Variants in MAPKAP1 observed in about 807,000 individuals in gnomAD.
MAPKAP1 encodes the protein target of rapamycin complex 2 subunit MAPKAP1.
MAPKAP1 carries 20 observed loss-of-function variants against 65.7 expected under a neutral mutation model. That is an observed-to-expected ratio of 0.30 (90% CI 0.21 to 0.44). The LOEUF (loss-of-function observed/expected upper bound fraction) is 0.44, where lower values mean the gene tolerates loss of function less well. Ranked by LOEUF, MAPKAP1 falls within the 20% of genes least tolerant of loss-of-function variation. The pLI, the probability that MAPKAP1 is intolerant of heterozygous loss-of-function variation, is 1.00. For missense variants in MAPKAP1, 423 were observed against 648.0 expected (o/e 0.65, Z 3.77); for synonymous variants, 222 against 244.3 (o/e 0.91, Z 0.85).
At chr9:125,659,258 T>C (rs958918587) in intron 3 of MAPKAP1, among the ~76,000 whole-genome samples, 2 of 152,150 alleles carry the variant, frequency 1.3e-5, no homozygotes, top group African/African-American at 2.4e-5. Context: ...GTCACAGTCT[T>C]CACAGATCCT....
chr9:125,495,778 A>G (rs10986776), intron 8 of MAPKAP1, among the ~76,000 whole-genome samples: 2,987 of 152,308 alleles, frequency 0.02, 160 homozygotes, highest in East Asian at 0.15. Context: ...AGGTCAGCAC[A>G]GCTTTTTGCC....
intron 7 of MAPKAP1, among the ~76,000 whole-genome samples, chr9:125,529,016 A>G (rs925632258): frequency 3.3e-5 from 5 of 150,998 alleles, no homozygotes. Context: ...ACAACTAAAA[A>G]TACAAAAATT....
intron 9 of MAPKAP1, chr9:125,478,171 G>A (rs1406209612): frequency 6.6e-6 from 1 of 152,132 alleles, no homozygotes; most frequent in Non-Finnish European, 1.5e-5. Flanking sequence ...CGCAGTGGCT[G>A]ATAAACAACA....
chr9:125,481,174 C>T (rs1000856628), intron 9 of MAPKAP1, among the ~76,000 whole-genome samples: 3 of 152,122 alleles, frequency 2.0e-5, no homozygotes, highest in Admixed American at 1.3e-4. Context: ...GACTGCAGAG[C>T]TTGGGCTCCT....
chr9:125,597,300 C>CTGG (rs1832166283), intron 4 of MAPKAP1, among the ~76,000 whole-genome samples: 2 of 141,986 alleles, frequency 1.4e-5, no homozygotes, highest in Non-Finnish European at 3.0e-5. Flanking sequence ...AAAGCTTGGC[C>CTGG]TGGTGGCACA....
intron 4 of MAPKAP1, among the ~76,000 whole-genome samples, chr9:125,638,125 A>C (rs1833478467): frequency 6.6e-6 from 1 of 152,190 alleles, no homozygotes; most frequent in Non-Finnish European, 1.5e-5. Context: ...TTAAAATTGG[A>C]AAGTGTCTGA....
At chr9:125,594,520 A>C (rs993753796) in intron 4 of MAPKAP1, among the ~76,000 whole-genome samples, 3 of 152,184 alleles carry the variant, frequency 2.0e-5, no homozygotes, top group African/African-American at 7.2e-5. Context: ...GATGTATCTA[A>C]AATGCCTGCC....
chr9:125,576,508 G>C (rs566681666), intron 5 of MAPKAP1, among the ~76,000 whole-genome samples: 1 of 150,076 alleles, frequency 6.7e-6, no homozygotes, highest in Non-Finnish European at 1.5e-5. Context: ...CTCTCCCCAC[G>C]GTCTCCCTCT....
At chr9:125,514,805 G>A (rs968256640) in intron 7 of MAPKAP1, among the ~76,000 whole-genome samples, 3 of 152,172 alleles carry the variant, frequency 2.0e-5, no homozygotes, top group Non-Finnish European at 2.9e-5. Flanking sequence ...CCCATTCCAG[G>A]AGGATCGTGC....
At chr9:125,610,544 C>A (rs529921987) in intron 4 of MAPKAP1, among the ~76,000 whole-genome samples, 1 of 152,218 alleles carries the variant, frequency 6.6e-6, no homozygotes, top group Admixed American at 6.5e-5. Context: ...CTATCTATAA[C>A]CTATAATAAG....
intron 4 of MAPKAP1, among the ~76,000 whole-genome samples, chr9:125,650,132 C>G (rs555981278): frequency 9.8e-5 from 15 of 152,318 alleles, no homozygotes; most frequent in African/African-American, 3.1e-4. Context: ...TTCATTCACT[C>G]CATCTTCATT....
chr9:125,582,400 C>T (rs1169280679), intron 5 of MAPKAP1, among the ~76,000 whole-genome samples: 2 of 152,146 alleles, frequency 1.3e-5, no homozygotes, highest in African/African-American at 2.4e-5. Flanking sequence ...TAGCTATCCT[C>T]GTGTGCTTTG....
At chr9:125,521,229 T>C (rs928896487) in intron 7 of MAPKAP1, among the ~76,000 whole-genome samples, 1 of 152,226 alleles carries the variant, frequency 6.6e-6, no homozygotes, top group South Asian at 2.1e-4. Context: ...CCTGTCACTA[T>C]GCAGCCAGCA....
intron 9 of MAPKAP1, among the ~76,000 whole-genome samples, chr9:125,469,265 G>A (rs1261526391): frequency 6.6e-6 from 1 of 151,970 alleles, no homozygotes; most frequent in Non-Finnish European, 1.5e-5. Context: ...TTCATCCTAC[G>A]AATCACACTC....
chr9:125,629,831 C>A (rs145696371), intron 4 of MAPKAP1, among the ~76,000 whole-genome samples: 1 of 152,154 alleles, frequency 6.6e-6, no homozygotes, highest in Admixed American at 6.5e-5. Flanking sequence ...CTCCCAAACA[C>A]CTATACTAGT....
At chr9:125,591,221 T>C (rs1343228745) in intron 4 of MAPKAP1, among the ~76,000 whole-genome samples, 1 of 152,206 alleles carries the variant, frequency 6.6e-6, no homozygotes, top group Non-Finnish European at 1.5e-5. Context: ...AACGCCTTCT[T>C]TCCCTGGACT....
chr9:125,601,725 C>T (rs960985505), intron 4 of MAPKAP1, among the ~76,000 whole-genome samples: 5 of 152,180 alleles, frequency 3.3e-5, no homozygotes, highest in Non-Finnish European at 7.4e-5. Flanking sequence ...AAAAACATCA[C>T]ACAATAGGTT....
At chr9:125,493,713 C>T (rs1589234611) in intron 8 of MAPKAP1, among the ~76,000 whole-genome samples, 1 of 152,242 alleles carries the variant, frequency 6.6e-6, no homozygotes, top group Non-Finnish European at 1.5e-5. Context: ...GTGGCTAACA[C>T]ACACTAAGTG....
intron 10 of MAPKAP1, among the ~76,000 whole-genome samples, chr9:125,452,823 T>G (rs1564515776): frequency 6.6e-6 from 1 of 151,952 alleles, no homozygotes; most frequent in Non-Finnish European, 1.5e-5. Context: ...AAGTGGAGGT[T>G]GCAGTAAGGC....
Sources: gnomAD v4.1 joint callset for allele counts (sites outside exome capture counted in the v4.1 genomes callset) on GRCh38, gnomAD v4.1.1 for gene constraint, MANE v1.5 for transcripts, NCBI Gene and HGNC (gene_info 2026-07-23, HGNC 2026-07-21) for gene names.